NCAPG2: variants seen among roughly 807,000 people sequenced by gnomAD.
NCAPG2 encodes the protein condensin-2 complex subunit G2.
Under a neutral mutation model 141.1 loss-of-function variants are expected in NCAPG2, and 53 were observed. The ratio of observed to expected loss-of-function variants is 0.38; its 90% confidence interval spans 0.30 to 0.47. The LOEUF is 0.47. NCAPG2 is among the 20% of genes least tolerant of loss of function. The probability of loss-of-function intolerance (pLI) is 0.99; values close to 1 mark genes in which losing one functional copy is unlikely to be tolerated. For synonymous variants in NCAPG2, 499 were observed against 490.7 expected, an observed-to-expected ratio of 1.02 and a Z score of -0.22; for missense variants, 1,087 against 1,389.0, an observed-to-expected ratio of 0.78 and a Z score of 3.46.
At chr7:158,689,732 T>C (rs1048916574) in intron 6 of NCAPG2, 87 bp downstream of exon 6, 17 of 1,245,180 alleles carry the variant, frequency 1.4e-5, no homozygotes, top group Non-Finnish European at 1.7e-5. Flanking sequence ...ACACCGAGCA[T>C]GGTGCAGACA....
chr7:158,649,696 T>C (rs1020983457), intron 24 of NCAPG2, among the ~76,000 whole-genome samples: 1 of 152,242 alleles, frequency 6.6e-6, no homozygotes, highest in Admixed American at 6.5e-5. Context: ...TTTTTATTAG[T>C]CATGATTTTA....
intron 2 of NCAPG2, among the ~76,000 whole-genome samples, chr7:158,695,496 T>A (rs1441924512): frequency 6.6e-6 from 1 of 152,152 alleles, no homozygotes; most frequent in Non-Finnish European, 1.5e-5. Context: ...GAGGTTCCAG[T>A]AACAAACTAT....
intron 27 of NCAPG2, chr7:158,639,766 T>C: frequency 1.2e-6 from 1 of 820,052 alleles, no homozygotes; most frequent in Non-Finnish European, 1.5e-6. Context: ...GTAGAGGTCC[T>C]ACTGAAAAAA....
In NCAPG2 at chr7:158,655,475, A is replaced by G; in HGVS notation, c.2389-20T>C. On this transcript the variant is annotated intron_variant, in intron 19 of 27. Coordinates refer to ENST00000356309, the MANE Select transcript of NCAPG2 (RefSeq NM_017760.7). ...ATCTGCCTGTAATAGAAAAAACCCA[A>G]GGGCCACATGCTGACTGACAAGGCA... 6.3e-7 allele frequency: 1 copy of G among 1,596,032 alleles called. No homozygotes were observed. The highest frequency in any genetic ancestry group is 8.6e-7 in the Non-Finnish European group (1 of 1,163,736).
chr7:158,631,596 G>A lies in NCAPG2; in HGVS notation c.*70C>T. The A allele has an allele frequency of 7.3e-7, 1 of 1,364,232 alleles. No individual in the cohort carries two copies. The highest frequency in any genetic ancestry group is 1.8e-4 in the Middle Eastern group (1 of 5,578). The allele number at this position is 1,364,232 out of a possible 1,614,324, so 84.5% of individuals were successfully genotyped here. ...TGGGTTATTAACATTAAAAACAATAGGAAAATACACAGGCATTTCAATTTG... is the reference window on the plus strand; with the variant it reads ...TGGGTTATTAACATTAAAAACAATAAGAAAATACACAGGCATTTCAATTTG... On this transcript the variant is annotated 3_prime_UTR_variant, in exon 28 of 28. Coordinates refer to ENST00000356309, the MANE Select transcript of NCAPG2 (RefSeq NM_017760.7).
intron 2 of NCAPG2, among the ~76,000 whole-genome samples, chr7:158,699,963 A>G (rs777673896): frequency 6.6e-5 from 10 of 151,652 alleles, no homozygotes; most frequent in African/African-American, 2.0e-4. Context: ...ATTTTAACCA[A>G]TTCTGCAGAG....
At position 158,671,465 on chromosome 7, in the gene NCAPG2, C is replaced by T. The variant is rs372370167; in HGVS notation, c.1479+49G>A. ...AACTACTTTCTTTCTGTTTGATGAA[C>T]ACATGTCCCTATTTCATGTCATAAG... On this transcript the variant is annotated intron_variant, in intron 13 of 27. Transcript: ENST00000356309. 3.1e-6 allele frequency: 5 copies of T among 1,601,590 alleles called. No individual in the cohort carries two copies. In the African/African-American group the frequency reaches 5.4e-5, roughly 17 times the overall value.
At chr7:158,665,345 G>C (rs1832837030) in intron 13 of NCAPG2, 1 of 152,572 alleles carries the variant, frequency 6.6e-6, no homozygotes, top group African/African-American at 2.4e-5. Context: ...CATAGTGATA[G>C]CGTCCCTCTT....
chr7:158,682,651 C>T (rs1834518289), intron 9 of NCAPG2, among the ~76,000 whole-genome samples: 1 of 152,150 alleles, frequency 6.6e-6, no homozygotes. Context: ...AGCAAGCAAA[C>T]AAGGCATCCC....
Position 158,644,082 on chromosome 7 carries a change from C to T in NCAPG2, c.3380+207G>A, listed in dbSNP as rs185993796. The stretch of plus-strand genomic sequence containing the variant: ...CTACAGTAGAATTTTGCAAATGACA[C>T]TTTTGTTTTGTTTTTGAAGACAGAA... On this transcript the variant is annotated intron_variant, in intron 27 of 27. Coordinates refer to ENST00000356309, the MANE Select transcript of NCAPG2 (RefSeq NM_017760.7). Among the ~76,000 whole-genome samples, 39 of 152,296 alleles carry T rather than the reference C, an allele frequency of 2.6e-4. No individual in the cohort carries two copies. The East Asian group carries it at 6.9e-3, about 27-fold the overall frequency.
intron 26 of NCAPG2, among the ~76,000 whole-genome samples, chr7:158,644,975 A>C (rs2129457385): frequency 6.6e-6 from 1 of 152,362 alleles, no homozygotes; most frequent in South Asian, 2.1e-4. Context: ...AATAATACAG[A>C]AAGGTAAAGG....
intron 13 of NCAPG2, among the ~76,000 whole-genome samples, chr7:158,665,716 C>T (rs559693026): frequency 6.6e-6 from 1 of 152,284 alleles, no homozygotes; most frequent in African/African-American, 2.4e-5. Flanking sequence ...CTGCATCCCA[C>T]CTCCACCTCC....
chr7:158,641,559 GAA>G (rs74999655), intron 27 of NCAPG2: 3,398 of 470,488 alleles, frequency 7.2e-3, no homozygotes, highest in South Asian at 0.015. Context: ...TCATATCTTG[GAA>G]AAAAAAAAAA....
In NCAPG2 at chr7:158,680,769, T is replaced by C. The variant is rs1454561620; in HGVS notation, c.972A>G (p.Glu324=). 2 of 1,606,080 alleles carry C rather than the reference T, an allele frequency of 1.2e-6. No individual in the cohort carries two copies. The highest frequency in any genetic ancestry group is 1.7e-6 in the Non-Finnish European group (2 of 1,176,096). ...GCTTATATAATCTATAAAGCATCTC[T>C]TCCACTCCCTGCCGAACTTTCTTTT... ...HHQKKVRQGV[E]EMLYRLYKPI... Residue 324 remains glutamate (E), a synonymous_variant, in exon 10 of 28, where the codon GAA becomes GAG. Transcript: ENST00000356309.
chr7:158,693,160 G>T, intron 3 of NCAPG2, 149 bp downstream of exon 3: 1 of 903,500 alleles, frequency 1.1e-6, no homozygotes, highest in Non-Finnish European at 1.7e-6. Context: ...GTTGAAAAGT[G>T]AATAAAACTA....
At chr7:158,686,653 A>G (rs1234240837) in intron 7 of NCAPG2, among the ~76,000 whole-genome samples, 4 of 152,226 alleles carry the variant, frequency 2.6e-5, no homozygotes, top group Admixed American at 6.5e-5. Flanking sequence ...TAAGAATCAT[A>G]AGCTTAGAAA....
rs1563538005 is a variant in NCAPG2, at chr7:158,667,309, AGCCGCTACTGTGTC to A, written c.1480-2573_1480-2560del. ...GACCCTGTGTCCCTCCTCCACCCTT[AGCCGCTACTGTGTC>A]CCTCCGCTACTGTGTCCCTCCGCTC... On this transcript the variant is annotated intron_variant, in intron 13 of 27. Coordinates refer to ENST00000356309, the MANE Select transcript of NCAPG2 (RefSeq NM_017760.7). 4.8e-5 allele frequency: 19 copies of A among 393,756 alleles called. No individual in the cohort carries two copies. In the African/African-American group the frequency reaches 5.9e-4, roughly 12 times the overall value. 24.4% of individuals were successfully genotyped at this position (393,756 alleles called of 1,614,324 possible). A position where few individuals can be genotyped will look rare whatever the true frequency, so the allele number is the denominator to read the frequency against.
At chr7:158,636,325 T>C (rs575845823) in intron 27 of NCAPG2, among the ~76,000 whole-genome samples, 10 of 152,262 alleles carry the variant, frequency 6.6e-5, no homozygotes, top group African/African-American at 2.2e-4. Flanking sequence ...AATGTTCCTC[T>C]TCCCTTTCAT....
intron 2 of NCAPG2, 152 bp from the exon 3 acceptor site, chr7:158,693,649 A>G (rs1227033854): frequency 1.8e-5 from 12 of 664,900 alleles, no homozygotes; most frequent in South Asian, 1.1e-4. Context: ...AAAGGGAAGA[A>G]GCACAGGGAT....
Sources: allele counts gnomAD v4.1 joint callset (sites outside exome capture counted in the v4.1 genomes callset), GRCh38; gene constraint gnomAD v4.1.1; transcripts MANE v1.5; gene names NCBI Gene and HGNC (gene_info 2026-07-23, HGNC 2026-07-21).